Variants in PIAS2 observed in about 807,000 individuals in gnomAD.
PIAS2 encodes the protein protein inhibitor of activated STAT 2, also known as E3 SUMO-protein ligase PIAS2.
PIAS2 carries 19 observed loss-of-function variants against 69.7 expected under a neutral mutation model. The ratio of observed to expected loss-of-function variants is 0.27; its 90% CI spans 0.19 to 0.40. PIAS2 has a LOEUF of 0.40. Ranked by LOEUF, PIAS2 falls within the 10% of genes least tolerant of loss-of-function variation. The pLI, the probability that PIAS2 is intolerant of heterozygous loss-of-function variation, is 1.00. For missense variants in PIAS2, 624 were observed against 757.0 expected (o/e 0.82, Z 2.06); for synonymous variants, 261 against 263.2 (o/e 0.99, Z 0.08).
intron 1 of PIAS2, 88 bp downstream of exon 1, chr18:46,917,234 C>T (rs2058071934): frequency 5.7e-6 from 8 of 1,405,120 alleles, no homozygotes; most frequent in Non-Finnish European, 7.6e-6. Flanking sequence ...CCCAGAGGCA[C>T]GAGCAGGCGG....
intron 2 of PIAS2, among the ~76,000 whole-genome samples, chr18:46,876,966 C>T (rs2051312864): frequency 6.6e-6 from 1 of 152,196 alleles, no homozygotes; most frequent in Non-Finnish European, 1.5e-5. Context: ...TCCCAAAGTA[C>T]TGGGATTACA....
chr18:46,919,954 T>C, upstream of PIAS2: 3 of 678,472 alleles, frequency 4.4e-6, no homozygotes, highest in Non-Finnish European at 6.9e-6. Flanking sequence ...AATAGACGAA[T>C]AGAGTACAAT....
chr18:46,888,105 C>T (rs1230648506), intron 2 of PIAS2, among the ~76,000 whole-genome samples: 2 of 151,784 alleles, frequency 1.3e-5, no homozygotes, highest in East Asian at 3.9e-4. Context: ...GTAGTTTTTA[C>T]AATAGTATCA....
At chr18:46,876,040 A>G (rs1409861866) in intron 2 of PIAS2, among the ~76,000 whole-genome samples, 1 of 152,208 alleles carries the variant, frequency 6.6e-6, no homozygotes, top group Non-Finnish European at 1.5e-5. Flanking sequence ...AAAGGGATGC[A>G]GTGAGTTTAA....
intron 8 of PIAS2, among the ~76,000 whole-genome samples, chr18:46,838,789 CCA>C (rs1336326093): frequency 6.6e-6 from 1 of 152,244 alleles, no homozygotes; most frequent in Admixed American, 6.5e-5. Context: ...GAGGTTAAAA[CCA>C]CACACTCACT....
chr18:46,853,293 A>T (rs1461052298), intron 5 of PIAS2: 29 of 121,878 alleles, frequency 2.4e-4, no homozygotes, highest in Middle Eastern at 3.9e-3. Flanking sequence ...TTTTTTAAAT[A>T]AAAAAAAAAA....
chr18:46,839,793 A>G (rs56414010), intron 8 of PIAS2, among the ~76,000 whole-genome samples: 8,706 of 149,902 alleles, frequency 0.058, 295 homozygotes, highest in Non-Finnish European at 0.081. Context: ...TGAACCTGGG[A>G]GGCAGAGGTT....
chr18:46,820,388 T>C (rs2042036249), intron 12 of PIAS2, among the ~76,000 whole-genome samples: 1 of 152,100 alleles, frequency 6.6e-6, no homozygotes, highest in South Asian at 2.1e-4. Context: ...ATATCTGTGG[T>C]TTCAGACATT....
intron 12 of PIAS2, 96 bp from the exon 13 acceptor site, chr18:46,815,445 TG>T (rs1339880622): frequency 6.3e-7 from 1 of 1,587,694 alleles, no homozygotes; most frequent in African/African-American, 1.3e-5. Context: ...AAAACATTTG[TG>T]GTAAGTGCTT....
intron 3 of PIAS2, among the ~76,000 whole-genome samples, chr18:46,863,370 C>G (rs8089367): frequency 0.077 from 11,670 of 152,146 alleles, 485 homozygotes; most frequent in African/African-American, 0.099. Context: ...TGCCCAGTCT[C>G]GAGTGCTGCA....
At chr18:46,860,885 G>A (rs1364842083) in intron 3 of PIAS2, among the ~76,000 whole-genome samples, 1 of 152,156 alleles carries the variant, frequency 6.6e-6, no homozygotes, top group Non-Finnish European at 1.5e-5. Context: ...GCTGAGATGG[G>A]AGGATCATTT....
At chr18:46,898,561 T>C (rs573128690) in intron 1 of PIAS2, among the ~76,000 whole-genome samples, 21 of 152,168 alleles carry the variant, frequency 1.4e-4, no homozygotes, top group South Asian at 4.1e-4. Context: ...AGGCAAAACA[T>C]TGAATTTTCC....
At chr18:46,839,860 T>C (rs1227346349) in intron 8 of PIAS2, among the ~76,000 whole-genome samples, 3 of 125,136 alleles carry the variant, frequency 2.4e-5, no homozygotes, top group African/African-American at 9.4e-5. Flanking sequence ...AGCAAAACTC[T>C]GTCAAAAAAA....
In PIAS2 at chr18:46,844,803, T is replaced by A; in HGVS notation, c.898A>T (p.Thr300Ser). Residue 300 changes from threonine to serine, a missense_variant, in exon 7 of 14, where the codon ACA becomes TCA. Transcript: ENST00000585916. ...AATCTCTGTAATAACATGGCTGATG[T>A]AAGCTGCCGTACAAGATATACAGAC... ...SMSVYLVRQL[T>S]SAMLLQRLKM... is the part of the protein sequence containing the mutation. 1.3e-6 allele frequency: 2 copies of A among 1,483,914 alleles called. No individual in the cohort carries two copies. Among genetic ancestry groups the A allele is most frequent in the Non-Finnish European group, 1.8e-6 (2 of 1,117,716 alleles). The allele number at this position is 1,483,914 out of a possible 1,614,324, so 91.9% of individuals were successfully genotyped here.
At chr18:46,829,391 G>C (rs1174811842) in intron 10 of PIAS2, among the ~76,000 whole-genome samples, 1 of 152,112 alleles carries the variant, frequency 6.6e-6, no homozygotes, top group Non-Finnish European at 1.5e-5. Context: ...CCTCCACCTA[G>C]GGTTCCACCT....
At chr18:46,825,056 G>C (rs554720362) in intron 11 of PIAS2, among the ~76,000 whole-genome samples, 4 of 150,274 alleles carry the variant, frequency 2.7e-5, no homozygotes, top group African/African-American at 9.8e-5. Flanking sequence ...CTGTAAATTA[G>C]AGTAAGTTTT....
chr18:46,808,465 G>A lies in PIAS2; in HGVS notation c.*3968C>T, dbSNP rs1433743931. 4 of 152,268 alleles carry A rather than the reference G, an allele frequency of 2.6e-5. No homozygotes were observed. The East Asian group carries it at 7.7e-4, about 29-fold the overall frequency. The allele number at this position is 152,268 out of a possible 1,614,324, so 9.4% of individuals were successfully genotyped here. ...AGGTTCCTAACAAAGTAGGGGTGAGGGGGGTGTTACAAACCAGTCACTAGG... is the reference window on the plus strand; with the variant it reads ...AGGTTCCTAACAAAGTAGGGGTGAGAGGGGTGTTACAAACCAGTCACTAGG... On this transcript the variant is annotated 3_prime_UTR_variant, in exon 14 of 14. Transcript: ENST00000585916.
At chr18:46,860,094 C>T (rs1011444902) in intron 3 of PIAS2, among the ~76,000 whole-genome samples, 1 of 152,212 alleles carries the variant, frequency 6.6e-6, no homozygotes, top group Non-Finnish European at 1.5e-5. Flanking sequence ...ACTACCACTA[C>T]AGGCAAAGGG....
At chr18:46,893,109 A>G (rs991429633) in intron 1 of PIAS2, among the ~76,000 whole-genome samples, 62 of 152,224 alleles carry the variant, frequency 4.1e-4, no homozygotes, top group African/African-American at 1.4e-3. Flanking sequence ...AAGGAAAACA[A>G]GAAAACTTTT....
Sources: gnomAD v4.1 joint callset for allele counts (sites outside exome capture counted in the v4.1 genomes callset) on GRCh38, gnomAD v4.1.1 for gene constraint, MANE v1.5 for transcripts, NCBI Gene and HGNC (gene_info 2026-07-23, HGNC 2026-07-21) for gene names.